RNF111: variants seen among roughly 807,000 people sequenced by gnomAD.
RNF111 encodes E3 ubiquitin-protein ligase Arkadia.
Under a neutral mutation model 95.1 loss-of-function variants are expected in RNF111, and 17 were observed. The observed-to-expected ratio is 0.18, with a 90% CI of 0.12 to 0.27. The LOEUF (loss-of-function observed/expected upper bound fraction) is 0.27, where lower values mean the gene tolerates loss of function less well. Among genes scored for constraint, RNF111 ranks in the 10% least tolerant of loss-of-function variants. RNF111 has a pLI of 1.00. For missense variants in RNF111, 1,189 were observed against 1,210.4 expected (o/e 0.98, Z 0.26); for synonymous variants, 440 against 414.8 (o/e 1.06, Z -0.74).
chr15:59,073,458 G>T lies in RNF111; in HGVS notation c.1687-2496G>T, dbSNP rs1437820425. Among the ~76,000 whole-genome samples the T allele has an allele frequency of 3.3e-5, 5 of 149,838 alleles. No individual in the cohort carries two copies. The Admixed American group carries it at 3.3e-4, about 10-fold the overall frequency. ...ATTGCACTACTGCACACCAACCTGG[G>T]CAATAGAGTGAGACACCATCTCCAA... On this transcript the variant is annotated intron_variant, in intron 6 of 13. Transcript: ENST00000348370.
At chr15:58,997,614 C>G (rs1203806511) in intron 1 of RNF111, among the ~76,000 whole-genome samples, 1 of 151,120 alleles carries the variant, frequency 6.6e-6, no homozygotes, top group African/African-American at 2.4e-5. Context: ...GTCAAGAGAT[C>G]GAGACCATCC....
At position 59,070,059 on chromosome 15, in the gene RNF111, T is replaced by TTTA. The variant is rs1555398688; in HGVS notation, c.1686+2976_1686+2977insTTA. 2.1e-4 allele frequency among the ~76,000 whole-genome samples: 21 copies of TTTA among 100,698 alleles called. 1 individual carries two copies. The highest frequency in any genetic ancestry group is 6.8e-4 in the African/African-American group (18 of 26,546). The allele number at this position is 100,698 out of a possible 152,430, so 66.1% of individuals were successfully genotyped here. ...TTTTTTTTTTTTTTTTTTTTTTTTTTAGAGAGGATCTTGCCTTGTTTCTCA... is the reference window on the plus strand; with the variant it reads ...TTTTTTTTTTTTTTTTTTTTTTTTTTTTAAGAGAGGATCTTGCCTTGTTTCTCA... On this transcript the variant is annotated intron_variant, in intron 6 of 13. Coordinates refer to ENST00000348370, the MANE Select transcript of RNF111 (RefSeq NM_017610.8).
chr15:59,091,812 C>T (rs1346782608), intron 12 of RNF111, among the ~76,000 whole-genome samples: 5 of 152,100 alleles, frequency 3.3e-5, no homozygotes, highest in Non-Finnish European at 7.4e-5. Context: ...GAAACTATTC[C>T]ACCTCAGATT....
Position 59,031,222 on chromosome 15 carries a change from T to C in RNF111, c.400T>C (p.Phe134Leu), listed in dbSNP as rs1240982019. The change falls in exon 2 of 14, where the codon TTT becomes CTT. Residue 134 changes from phenylalanine (F) to leucine (L), a missense_variant. Phe to Leu is a conservative substitution (Grantham distance 22, BLOSUM62 0). Transcript: ENST00000348370. ...TPSDEDNDSSFSDCLSSPSSS... is the reference protein window; with the variant it reads ...TPSDEDNDSSLSDCLSSPSSS... ...AAGTGATGAAGATAATGATTCCTCTTTTAGTGATTGTCTTTCTTCTCCTTC... is the reference window on the plus strand; with the variant it reads ...AAGTGATGAAGATAATGATTCCTCTCTTAGTGATTGTCTTTCTTCTCCTTC... The C allele has an allele frequency of 1.9e-6, 3 of 1,614,064 alleles. No individual in the cohort carries two copies. The highest frequency in any genetic ancestry group is 2.5e-6 in the Non-Finnish European group (3 of 1,180,030).
chr15:58,990,654 AAAAC>A (rs1387716204), intron 1 of RNF111, among the ~76,000 whole-genome samples: 9 of 152,304 alleles, frequency 5.9e-5, no homozygotes, highest in African/African-American at 1.9e-4. Flanking sequence ...ACTGTTTCTC[AAAAC>A]AAACAAACAA....
chr15:59,096,092 C>T lies in RNF111; in HGVS notation c.*1192C>T. The T allele has an allele frequency of 2.5e-6, 1 of 398,572 alleles. No homozygotes were observed. The highest frequency in any genetic ancestry group is 4.4e-5 in the Admixed American group (1 of 22,728). 24.7% of individuals were successfully genotyped at this position (398,572 alleles called of 1,614,324 possible). A position where few individuals can be genotyped will look rare whatever the true frequency, so the allele number is the denominator to read the frequency against. On this transcript the variant is annotated 3_prime_UTR_variant, in exon 14 of 14. Coordinates refer to ENST00000348370, the MANE Select transcript of RNF111 (RefSeq NM_017610.8). ...ACTTCATACATTACCAAGAGTCGAT[C>T]ACTGATTTAAAATTTTTAATTTCTA...
intron 1 of RNF111, among the ~76,000 whole-genome samples, chr15:58,996,187 C>G (rs569477494): frequency 4.6e-5 from 7 of 151,966 alleles, no homozygotes; most frequent in Non-Finnish European, 1.0e-4. Flanking sequence ...TTATTAAAAA[C>G]CTGAAGTTTA....
chr15:59,084,057 T>G, intron 8 of RNF111, 72 bp from the exon 9 acceptor site: 1 of 1,412,876 alleles, frequency 7.1e-7, no homozygotes, highest in South Asian at 1.8e-5. Context: ...AGGGATTTTT[T>G]TCTACATTAA....
chr15:58,994,903 C>G (rs1284629403), intron 1 of RNF111, among the ~76,000 whole-genome samples: 2 of 152,202 alleles, frequency 1.3e-5, no homozygotes, highest in Non-Finnish European at 2.9e-5. Context: ...TTACAAAATT[C>G]AGAAAATTAA....
rs1189793512 is a variant in RNF111, at chr15:59,092,349, TA to T, written c.2740-183del. On this transcript the variant is annotated intron_variant, in intron 12 of 13. Transcript: ENST00000348370. ...TTTGATCCCAATTATTAGAGGGTCT[TA>T]AAAATATACTTAATTGATGATAGTC... is the stretch of plus-strand genomic sequence containing the variant. Among the ~76,000 whole-genome samples the T allele has an allele frequency of 4.6e-5, 7 of 152,362 alleles. No individual in the cohort carries two copies. In the East Asian group the frequency reaches 1.3e-3, roughly 29 times the overall value.
chr15:59,094,748 T>C (rs370647407), intron 13 of RNF111, 35 bp from the exon 14 acceptor site: 23 of 1,186,330 alleles, frequency 1.9e-5, no homozygotes, highest in East Asian at 4.7e-5. Flanking sequence ...TATCATAAAA[T>C]TAATTTTTGC....
At chr15:59,091,630 AC>A (rs1400892391) in intron 12 of RNF111, among the ~76,000 whole-genome samples, 1 of 152,072 alleles carries the variant, frequency 6.6e-6, no homozygotes, top group Non-Finnish European at 1.5e-5. Context: ...TGTTTCTTCT[AC>A]TCTACCCTCA....
In RNF111 at chr15:59,060,809, T is replaced by TA. The variant is rs5812961; in HGVS notation, c.1366+2259_1366+2260insA. Among the ~76,000 whole-genome samples, 405 of 148,442 alleles carry TA rather than the reference T, an allele frequency of 2.7e-3. 2 individuals carry two copies. Among genetic ancestry groups the TA allele is most frequent in the African/African-American group, 7.5e-3 (302 of 40,524 alleles). On this transcript the variant is annotated intron_variant, in intron 5 of 13. Transcript: ENST00000348370. ...GCATTATTATTATTATTATTATTAT[T>TA]TTTTTTTTTGTGAGACAGGTCTGAC...
At chr15:59,079,985 C>T (rs1280419731) in intron 7 of RNF111, among the ~76,000 whole-genome samples, 2 of 151,892 alleles carry the variant, frequency 1.3e-5, no homozygotes, top group Admixed American at 1.3e-4. Flanking sequence ...ATACAATAGG[C>T]TAAGCATGTA....
chr15:59,070,037 T>C (rs867449002), intron 6 of RNF111, among the ~76,000 whole-genome samples: 183 of 121,456 alleles, frequency 1.5e-3, no homozygotes, highest in East Asian at 6.8e-3. Context: ...TGCTTTTTTT[T>C]TTTTTTTTTT....
intron 1 of RNF111, among the ~76,000 whole-genome samples, chr15:59,027,684 A>G (rs1459709646): frequency 6.6e-6 from 1 of 151,800 alleles, no homozygotes; most frequent in African/African-American, 2.4e-5. Flanking sequence ...GCCTGCCACC[A>G]TGCCTGGCTA....
chr15:59,011,509 A>G (rs2039812209), intron 1 of RNF111, among the ~76,000 whole-genome samples: 1 of 152,246 alleles, frequency 6.6e-6, no homozygotes, highest in Non-Finnish European at 1.5e-5. Flanking sequence ...CTTAAACCAC[A>G]AAACTTTACT....
At chr15:59,085,965 C>T (rs868631641) in intron 10 of RNF111, among the ~76,000 whole-genome samples, 180 bp downstream of exon 10, 68 of 152,184 alleles carry the variant, frequency 4.5e-4, no homozygotes, top group African/African-American at 1.5e-3. Context: ...GTATAATTTG[C>T]ATCATAACAT....
intron 1 of RNF111, among the ~76,000 whole-genome samples, chr15:59,029,168 ATGTTTTTTTTTTATGCATCCTCTC>A (rs2040778637): frequency 6.6e-6 from 1 of 151,722 alleles, no homozygotes; most frequent in Admixed American, 6.6e-5. Context: ...GAGGGTTCCA[ATGTTTTTTTTTTATGCATCCTCTC>A]TAACACTTGT....
Sources: allele counts gnomAD v4.1 joint callset (sites outside exome capture counted in the v4.1 genomes callset), GRCh38; gene constraint gnomAD v4.1.1; transcripts MANE v1.5; gene names NCBI Gene and HGNC (gene_info 2026-07-23, HGNC 2026-07-21).